ESRRB: variants seen among roughly 807,000 people sequenced by gnomAD.
ESRRB encodes the protein steroid hormone receptor ERR2.
A neutral mutation model predicts 46.0 loss-of-function variants in ESRRB; 16 were observed. That is an observed-to-expected ratio of 0.35 (90% CI 0.24 to 0.53). ESRRB has a LOEUF of 0.53. Ranked by LOEUF, ESRRB falls within the 20% of genes least tolerant of loss-of-function variation. ESRRB has a pLI of 0.93. For missense variants in ESRRB, 488 were observed against 607.4 expected, an observed-to-expected ratio of 0.80 and a Z score of 2.07; for synonymous variants, 246 against 259.6, an observed-to-expected ratio of 0.95 and a Z score of 0.50.
chr14:76,399,771 C>A (rs1885857031), intron 1 of ESRRB, among the ~76,000 whole-genome samples: 1 of 152,120 alleles, frequency 6.6e-6, no homozygotes, highest in African/African-American at 2.4e-5. Flanking sequence ...CCCAGGGTGA[C>A]CATGAGGAAG....
intron 1 of ESRRB, among the ~76,000 whole-genome samples, chr14:76,340,660 A>G (rs748455365): frequency 7.2e-5 from 11 of 152,178 alleles, no homozygotes; most frequent in Non-Finnish European, 1.5e-4. Context: ...TTATTGAAGG[A>G]ATGAGGAGCA....
rs144388518 is a variant in ESRRB at position 76,364,278 on chromosome 14, G to T, written c.2+53362G>T. On this transcript the variant is annotated intron_variant, in intron 1 of 6. Coordinates refer to the ESRRB transcript ENST00000512784. ...TATTTGATAAAAGGCAGCATGATTTGATTAGAGAAAGGTAGAGTAGATGGG... is the reference window on the plus strand; with the variant it reads ...TATTTGATAAAAGGCAGCATGATTTTATTAGAGAAAGGTAGAGTAGATGGG... Among the ~76,000 whole-genome samples the T allele has an allele frequency of 6.9e-3, 1,050 of 152,326 alleles. 8 individuals are homozygous for T. Among genetic ancestry groups the T allele is most frequent in the Middle Eastern group, 0.014 (4 of 294 alleles).
At chr14:76,479,540 A>C (rs1400167039) in intron 3 of ESRRB, among the ~76,000 whole-genome samples, 1 of 152,202 alleles carries the variant, frequency 6.6e-6, no homozygotes. Flanking sequence ...TTGGAAGCCT[A>C]TCAGGAGGTT....
intron 1 of ESRRB, among the ~76,000 whole-genome samples, chr14:76,353,607 G>A (rs1188497126): frequency 1.3e-5 from 2 of 152,146 alleles, no homozygotes; most frequent in African/African-American, 4.8e-5. Context: ...AAGTACAGGA[G>A]AGCCTATGAG....
At chr14:76,390,216 C>T (rs559983826) in intron 1 of ESRRB, among the ~76,000 whole-genome samples, 3 of 152,292 alleles carry the variant, frequency 2.0e-5, no homozygotes, top group South Asian at 2.1e-4. Context: ...TGGCTGAGTG[C>T]GGTGGCTCAC....
rs755637136 is a variant in ESRRB at position 76,498,279 on chromosome 14, C to A, written c.1186C>A (p.Gln396Lys). Residue 396 changes from glutamine (Q) to lysine (K), a missense_variant, in exon 7 of 7, where the codon CAG becomes AAG. Transcript: ENST00000644823. ...KLQDLLHEAL[Q>K]DYELSQRHEE... ...GCAGGACCTGCTGCACGAGGCACTG[C>A]AGGACTACGAGCTGAGCCAGCGCCA... 2 of 1,613,772 alleles carry A rather than the reference C, an allele frequency of 1.2e-6. No homozygotes were observed. Among genetic ancestry groups the A allele is most frequent in the Non-Finnish European group, 1.7e-6 (2 of 1,179,990 alleles).
intron 3 of ESRRB, among the ~76,000 whole-genome samples, chr14:76,474,029 G>GT (rs1889477385): frequency 6.6e-6 from 1 of 152,246 alleles, no homozygotes; most frequent in Admixed American, 6.5e-5. Flanking sequence ...GCAGCCAAGG[G>GT]TGGAACCTCT....
chr14:76,339,514 C>T (rs1300277738), intron 1 of ESRRB, among the ~76,000 whole-genome samples: 1 of 152,226 alleles, frequency 6.6e-6, no homozygotes, highest in Non-Finnish European at 1.5e-5. Context: ...TGTGTGTATT[C>T]ATACCCACCC....
chr14:76,372,263 C>T (rs920522687), upstream of ESRRB, among the ~76,000 whole-genome samples: 1 of 152,098 alleles, frequency 6.6e-6, no homozygotes, highest in Admixed American at 6.6e-5. Flanking sequence ...GCATGGGGGA[C>T]AGAGTGGGCT....
At chr14:76,491,764 T>C in intron 6 of ESRRB, 48 bp downstream of exon 6, 2 of 1,525,474 alleles carry the variant, frequency 1.3e-6, no homozygotes, top group Middle Eastern at 2.4e-4. Flanking sequence ...GGGCTCTGCA[T>C]GGGCCTAATG....
chr14:76,324,963 CTTTTT>C (rs34780208), intron 1 of ESRRB, among the ~76,000 whole-genome samples: 32 of 102,192 alleles, frequency 3.1e-4, no homozygotes, highest in Admixed American at 1.3e-3. Flanking sequence ...TTTTCTTTTT[CTTTTT>C]TTTTTTTTTT....
chr14:76,380,473 T>C (rs1884964071), intron 1 of ESRRB, among the ~76,000 whole-genome samples: 1 of 152,166 alleles, frequency 6.6e-6, no homozygotes, highest in African/African-American at 2.4e-5. Context: ...TTCTTTTTGG[T>C]TCCAAATTTA....
rs1890553937 is a variant in ESRRB, at chr14:76,499,046, G to A, written c.*588G>A. 1 of 347,510 alleles carries A rather than the reference G, an allele frequency of 2.9e-6. No individual in the cohort carries two copies. Among genetic ancestry groups the A allele is most frequent in the East Asian group, 7.9e-5 (1 of 12,646 alleles). The allele number at this position is 347,510 out of a possible 1,614,324, so 21.5% of individuals were successfully genotyped here. A position where few individuals can be genotyped will look rare whatever the true frequency, so the allele number is the denominator to read the frequency against. ...GCCAGGGGGTACCCACAGGAGAGCAGCGGCTAGAGCTCAAGTGCTTCCTGG... is the reference window on the plus strand; with the variant it reads ...GCCAGGGGGTACCCACAGGAGAGCAACGGCTAGAGCTCAAGTGCTTCCTGG... On this transcript the variant is annotated 3_prime_UTR_variant, in exon 7 of 7. Transcript: ENST00000644823.
intron 5 of ESRRB, among the ~76,000 whole-genome samples, chr14:76,489,480 C>CACACACA (rs1890138576): frequency 1.9e-4 from 28 of 150,816 alleles, no homozygotes; most frequent in East Asian, 5.9e-4. Context: ...CACACACACA[C>CACACACA]CCTGATCCCC....
rs1181968600 is a variant in ESRRB at position 76,333,421 on chromosome 14, CAT to C, written c.2+22514_2+22515del. On this transcript the variant is annotated intron_variant, in intron 1 of 6. Coordinates refer to the ESRRB transcript ENST00000512784. ...ATATTTATATATGATATATTTATAT[CAT>C]ATATATATTTATATATGATATATAA... Among the ~76,000 whole-genome samples, 93 of 26,848 alleles carry C rather than the reference CAT, an allele frequency of 3.5e-3. 7 individuals are homozygous for C. Among genetic ancestry groups the C allele is most frequent in the East Asian group, 4.6e-3 (5 of 1,098 alleles). The allele number at this position is 26,848 out of a possible 152,430, so 17.6% of individuals were successfully genotyped here.
In ESRRB at chr14:76,499,532, C is replaced by T. The variant is rs1890579180; in HGVS notation, c.*1074C>T. 2.3e-6 allele frequency: 1 copy of T among 425,706 alleles called. No individual in the cohort carries two copies. Among genetic ancestry groups the T allele is most frequent in the African/African-American group, 2.0e-5 (1 of 49,618 alleles). 26.4% of individuals were successfully genotyped at this position (425,706 alleles called of 1,614,324 possible). A position where few individuals can be genotyped will look rare whatever the true frequency, so the allele number is the denominator to read the frequency against. On this transcript the variant is annotated 3_prime_UTR_variant, in exon 7 of 7. Coordinates refer to ENST00000644823, the MANE Select transcript of ESRRB (RefSeq NM_001379180.1). ...AGCGGGGTGGCCTGCCTCATCCTTC[C>T]TGGCTTCCCTTCCCTGCACTCAGCA...
upstream of ESRRB, among the ~76,000 whole-genome samples, chr14:76,367,371 A>G (rs1415516666): frequency 6.6e-6 from 1 of 152,120 alleles, no homozygotes; most frequent in African/African-American, 2.4e-5. Context: ...CCTGGGCAAC[A>G]TAGTGAGACC....
intron 1 of ESRRB, among the ~76,000 whole-genome samples, chr14:76,320,882 A>C (rs550827480): frequency 6.6e-6 from 1 of 152,208 alleles, no homozygotes; most frequent in East Asian, 1.9e-4. Context: ...ACTTCTCTCC[A>C]TGCCCATTCT....
intron 1 of ESRRB, among the ~76,000 whole-genome samples, chr14:76,435,556 G>C (rs764031137): frequency 8.2e-4 from 125 of 152,380 alleles, no homozygotes; most frequent in Non-Finnish European, 1.5e-3. Context: ...GAGGCGGGGT[G>C]TGGTGGCTCA....
Sources: gnomAD v4.1 joint callset for allele counts (sites outside exome capture counted in the v4.1 genomes callset) on GRCh38, gnomAD v4.1.1 for gene constraint, MANE v1.5 for transcripts, NCBI Gene and HGNC (gene_info 2026-07-23, HGNC 2026-07-21) for gene names.